POMP: variants seen among roughly 807,000 people sequenced by gnomAD.
The protein encoded by POMP is proteasome maturation protein.
A neutral mutation model predicts 20.6 loss-of-function variants in POMP; 12 were observed. The ratio of observed to expected loss-of-function variants is 0.58; its 90% CI spans 0.37 to 0.94. The LOEUF is 0.94. Ranked by LOEUF, POMP falls within the 40% of genes least tolerant of loss-of-function variation. The probability of loss-of-function intolerance (pLI) is 0.01; values close to 1 mark genes in which losing one functional copy is unlikely to be tolerated. For synonymous variants in POMP, 53 were observed against 55.0 expected (o/e 0.96, Z 0.16); for missense variants, 136 against 161.1 (o/e 0.84, Z 0.84).
intron 5 of POMP, among the ~76,000 whole-genome samples, chr13:28,676,066 G>A (rs542661188): frequency 5.3e-5 from 8 of 151,742 alleles, no homozygotes; most frequent in South Asian, 4.2e-4. Context: ...GTGCAGTGGC[G>A]CGATCTCTGC....
intron 1 of POMP, among the ~76,000 whole-genome samples, chr13:28,660,766 A>G (rs1025424753): frequency 1.6e-4 from 24 of 152,332 alleles, no homozygotes; most frequent in Non-Finnish European, 1.0e-4. Flanking sequence ...CAGGTTCTTT[A>G]GGTCCAGGCT....
intron 5 of POMP, among the ~76,000 whole-genome samples, chr13:28,674,263 C>G (rs1293144513): frequency 1.3e-5 from 2 of 152,332 alleles, no homozygotes; most frequent in East Asian, 1.9e-4. Context: ...ATCAGCATTT[C>G]TTTTGGTTCC....
At chr13:28,667,668 AAG>A (rs374614063) in intron 3 of POMP, among the ~76,000 whole-genome samples, 6 of 152,208 alleles carry the variant, frequency 3.9e-5, no homozygotes, top group African/African-American at 1.4e-4. Context: ...CAATGTTATC[AAG>A]AGAGTAGCGT....
chr13:28,675,776 C>G (rs1328854854), intron 5 of POMP, among the ~76,000 whole-genome samples: 1 of 152,130 alleles, frequency 6.6e-6, no homozygotes, highest in Non-Finnish European at 1.5e-5. Flanking sequence ...GTATCTGCTT[C>G]TGGTAAGGGC....
chr13:28,668,641 C>A, intron 4 of POMP, 67 bp downstream of exon 4: 1 of 1,254,338 alleles, frequency 8.0e-7, no homozygotes, highest in African/African-American at 1.5e-5. Flanking sequence ...GTTTTCATAA[C>A]AGCTATTTAT....
chr13:28,669,272 T>C (rs891138632), intron 4 of POMP, among the ~76,000 whole-genome samples: 1 of 152,178 alleles, frequency 6.6e-6, no homozygotes, highest in Non-Finnish European at 1.5e-5. Context: ...ATGAAACTGC[T>C]CCTGAACAAT....
At chr13:28,672,554 A>G in intron 5 of POMP, 122 bp downstream of exon 5, 1 of 773,934 alleles carries the variant, frequency 1.3e-6, no homozygotes, top group Admixed American at 1.9e-5. Flanking sequence ...CACTTTATTC[A>G]TTGCATTAAG....
In POMP at chr13:28,673,372, T is replaced by A. The variant is rs568434794; in HGVS notation, c.358+940T>A. Among the ~76,000 whole-genome samples, 8 of 152,314 alleles carry A rather than the reference T, an allele frequency of 5.3e-5. No individual in the cohort carries two copies. The East Asian group carries it at 1.5e-3, about 29-fold the overall frequency. The stretch of plus-strand genomic sequence containing the variant: ...GCGTGAGCCACTGCACCCGGCCGAA[T>A]CTGTTATTTTTAATAAAATTCCCTG... On this transcript the variant is annotated intron_variant, in intron 5 of 5. Coordinates refer to ENST00000380842, the MANE Select transcript of POMP (RefSeq NM_015932.6).
At position 28,668,518 on chromosome 13, in the gene POMP, A is replaced by G; in HGVS notation, c.208A>G (p.Ile70Val). The G allele has an allele frequency of 1.2e-6, 2 of 1,613,184 alleles. No individual in the cohort carries two copies. Among genetic ancestry groups the G allele is most frequent in the Admixed American group, 1.7e-5 (1 of 60,018 alleles). ...DKMNFSTLRN[I>V]QGLFAPLKLQ... The stretch of plus-strand genomic sequence containing the variant: ...AATGAATTTTTCCACACTGAGAAAC[A>G]TTCAGGGTCTATTTGCTCCGCTAAA... Residue 70 changes from isoleucine to valine, a missense_variant, in exon 4 of 6, where the codon ATT (isoleucine) becomes GTT (valine). Coordinates refer to ENST00000380842, the MANE Select transcript of POMP (RefSeq NM_015932.6).
chr13:28,667,143 T>TA (rs1416016448), intron 3 of POMP, among the ~76,000 whole-genome samples: 1 of 152,216 alleles, frequency 6.6e-6, no homozygotes, highest in Non-Finnish European at 1.5e-5. Flanking sequence ...GTTGCTAACT[T>TA]ACATGTTGAT....
chr13:28,663,721 C>T (rs979117660), intron 2 of POMP, among the ~76,000 whole-genome samples: 17 of 152,112 alleles, frequency 1.1e-4, no homozygotes, highest in Non-Finnish European at 1.5e-5. Context: ...AGCATATAGC[C>T]TGTGAAATTG....
At chr13:28,677,045 T>C (rs1353212372) in intron 5 of POMP, among the ~76,000 whole-genome samples, 3 of 152,248 alleles carry the variant, frequency 2.0e-5, no homozygotes, top group African/African-American at 4.8e-5. Context: ...ATATTCTTTG[T>C]GCAAAAATTT....
At chr13:28,666,514 A>G (rs937234508) in intron 3 of POMP, among the ~76,000 whole-genome samples, 1 of 151,168 alleles carries the variant, frequency 6.6e-6, no homozygotes, top group East Asian at 1.9e-4. Context: ...ACATACATCT[A>G]CTGCATCTCT....
chr13:28,666,370 G>GT (rs997506168), intron 3 of POMP, among the ~76,000 whole-genome samples: 45 of 152,102 alleles, frequency 3.0e-4, no homozygotes, highest in African/African-American at 1.1e-3. Flanking sequence ...ATTTTCCTGT[G>GT]TATTAGTCTG....
intron 5 of POMP, 37 bp from the exon 6 acceptor site, chr13:28,677,998 A>G: frequency 6.3e-7 from 1 of 1,586,426 alleles, no homozygotes; most frequent in Non-Finnish European, 8.7e-7. Flanking sequence ...CTCTTTTTTG[A>G]GAGTCTTTTA....
intron 3 of POMP, among the ~76,000 whole-genome samples, chr13:28,664,825 A>G (rs1338824925): frequency 6.6e-6 from 1 of 151,872 alleles, no homozygotes; most frequent in Non-Finnish European, 1.5e-5. Flanking sequence ...TCTCACAGGA[A>G]TTTTCTCTTT....
chr13:28,666,061 A>C (rs996879826), intron 3 of POMP, among the ~76,000 whole-genome samples: 7 of 152,254 alleles, frequency 4.6e-5, no homozygotes, highest in Non-Finnish European at 1.5e-5. Flanking sequence ...AAGGTTGAGA[A>C]GGATAGTTCA....
intron 4 of POMP, 46 bp downstream of exon 4, chr13:28,668,620 AG>A: frequency 7.1e-7 from 1 of 1,399,862 alleles, no homozygotes; most frequent in Non-Finnish European, 1.0e-6. Context: ...ATCATTCATG[AG>A]GAATCTTCTG....
chr13:28,660,142 A>G (rs981164290), intron 1 of POMP, among the ~76,000 whole-genome samples: 1 of 152,256 alleles, frequency 6.6e-6, no homozygotes, highest in Non-Finnish European at 1.5e-5. Context: ...TTACTTTACA[A>G]TAAAGCAGTC....
Sources: allele counts gnomAD v4.1 joint callset (sites outside exome capture counted in the v4.1 genomes callset), GRCh38; gene constraint gnomAD v4.1.1; transcripts MANE v1.5; gene names NCBI Gene and HGNC (gene_info 2026-07-23, HGNC 2026-07-21).